Variants in FRAS1 observed in about 807,000 individuals in gnomAD.
FRAS1 encodes Fraser extracellular matrix complex subunit 1.
Under a neutral mutation model 435.2 loss-of-function variants are expected in FRAS1, and 290 were observed. That is an observed-to-expected ratio of 0.67 (90% confidence interval 0.61 to 0.73). The LOEUF (loss-of-function observed/expected upper bound fraction) is 0.73, where lower values mean the gene tolerates loss of function less well. Ranked by LOEUF, FRAS1 falls within the 30% of genes least tolerant of loss-of-function variation. FRAS1 has a pLI of 0.00. For missense variants in FRAS1, 4,860 were observed against 5,001.5 expected (o/e 0.97, Z 0.85); for synonymous variants, 1,800 against 1,851.0 (o/e 0.97, Z 0.71).
intron 4 of FRAS1, among the ~76,000 whole-genome samples, chr4:78,250,495 A>T (rs919170388): frequency 6.6e-6 from 1 of 152,192 alleles, no homozygotes; most frequent in South Asian, 2.1e-4. Flanking sequence ...CTTGTATTTA[A>T]GCCTTTTGTG....
At chr4:78,157,807 CTTTAG>C (rs987504109) in intron 2 of FRAS1, among the ~76,000 whole-genome samples, 17 of 152,030 alleles carry the variant, frequency 1.1e-4, no homozygotes, top group African/African-American at 3.9e-4. Flanking sequence ...TGCAGAAAGT[CTTTAG>C]TTTAATTAGG....
chr4:78,231,511 C>T (rs905627099), intron 2 of FRAS1, among the ~76,000 whole-genome samples: 2 of 151,766 alleles, frequency 1.3e-5, no homozygotes, highest in Non-Finnish European at 1.5e-5. Context: ...GAAAACACAG[C>T]TTTTGGGGAG....
intron 61 of FRAS1, among the ~76,000 whole-genome samples, chr4:78,504,569 T>A (rs1172192065): frequency 2.0e-5 from 3 of 152,216 alleles, no homozygotes; most frequent in Non-Finnish European, 4.4e-5. Context: ...TGCTTTCCAT[T>A]TGCTTGGTGG....
intron 13 of FRAS1, among the ~76,000 whole-genome samples, chr4:78,285,893 T>C (rs59642925): frequency 0.014 from 2,090 of 152,340 alleles, 53 homozygotes; most frequent in African/African-American, 0.047. Context: ...TTTTTGTAAT[T>C]ATTCACTCCT....
intron 2 of FRAS1, among the ~76,000 whole-genome samples, chr4:78,087,722 C>T (rs1235088890): frequency 1.2e-4 from 18 of 152,052 alleles, no homozygotes; most frequent in Middle Eastern, 3.4e-3. Flanking sequence ...TTACAAGGGG[C>T]GCGAAGGACC....
In FRAS1 at chr4:78,445,679, T is replaced by C; in HGVS notation, c.5823T>C (p.Arg1941=). The part of the protein sequence containing the change: ...FSFYVSDGTS[R]SEIHSINITI... ...TTTATGTGAGTGATGGAACCAGTCGTTCAGAAATTCACAGCATCAATATCA... is the reference window on the plus strand; with the variant it reads ...TTTATGTGAGTGATGGAACCAGTCGCTCAGAAATTCACAGCATCAATATCA... Residue 1941 remains arginine (R), a synonymous_variant, in exon 42 of 74, where the codon CGT becomes CGC. Coordinates refer to ENST00000512123, the MANE Select transcript of FRAS1 (RefSeq NM_025074.7). 1 of 1,613,926 alleles carries C rather than the reference T, an allele frequency of 6.2e-7. No individual in the cohort carries two copies. Among genetic ancestry groups the C allele is most frequent in the Non-Finnish European group, 8.5e-7 (1 of 1,179,860 alleles).
At chr4:78,072,263 ATT>A (rs1360355476) in intron 2 of FRAS1, among the ~76,000 whole-genome samples, 3 of 152,198 alleles carry the variant, frequency 2.0e-5, no homozygotes, top group African/African-American at 7.2e-5. Flanking sequence ...AAGGGAGACC[ATT>A]AGAGCTCTTC....
chr4:78,135,320 C>T (rs950391025), intron 2 of FRAS1, among the ~76,000 whole-genome samples: 2 of 152,066 alleles, frequency 1.3e-5, no homozygotes, highest in African/African-American at 2.4e-5. Flanking sequence ...GAAAATCTCC[C>T]AGTATATCCT....
intron 9 of FRAS1, among the ~76,000 whole-genome samples, chr4:78,271,287 T>A (rs1401402063): frequency 6.6e-6 from 1 of 151,574 alleles, no homozygotes; most frequent in Non-Finnish European, 1.5e-5. Context: ...TTTTTTTTTA[T>A]CACAAACATT....
At chr4:78,365,966 G>GAAA (rs199938373) in intron 22 of FRAS1, among the ~76,000 whole-genome samples, 2 of 139,542 alleles carry the variant, frequency 1.4e-5, no homozygotes, top group Non-Finnish European at 3.1e-5. Context: ...GTCTGTCTCA[G>GAAA]AAAAAAAAAA....
chr4:78,317,551 A>G, intron 17 of FRAS1, 43 bp downstream of exon 17: 4 of 1,558,906 alleles, frequency 2.6e-6, no homozygotes. Flanking sequence ...CTATCCCACA[A>G]GAACATAGAT....
chr4:78,319,103 C>A, intron 18 of FRAS1, 117 bp downstream of exon 18: 2 of 1,054,690 alleles, frequency 1.9e-6, no homozygotes, highest in Non-Finnish European at 1.4e-6. Context: ...TTCCTAGATG[C>A]TTGTGAATAA....
chr4:78,418,862 A>ATT (rs34936138), intron 32 of FRAS1, 87 bp from the exon 33 acceptor site: 271 of 714,546 alleles, frequency 3.8e-4, no homozygotes, highest in Non-Finnish European at 5.2e-4. Flanking sequence ...GCCCAGAGCA[A>ATT]TTTTTTTTTC....
intron 2 of FRAS1, among the ~76,000 whole-genome samples, chr4:78,161,876 C>T (rs1158270518): frequency 6.6e-6 from 1 of 151,682 alleles, no homozygotes; most frequent in Non-Finnish European, 1.5e-5. Flanking sequence ...TTCTCTTCGC[C>T]ATCCACCTTG....
chr4:78,257,888 C>T (rs771916323), intron 6 of FRAS1, among the ~76,000 whole-genome samples: 17 of 152,262 alleles, frequency 1.1e-4, no homozygotes, highest in African/African-American at 3.9e-4. Flanking sequence ...TCTTTGTAAA[C>T]AGAGCCATAA....
chr4:78,455,201 A>G (rs1312946580), intron 47 of FRAS1, among the ~76,000 whole-genome samples: 1 of 152,218 alleles, frequency 6.6e-6, no homozygotes, highest in Non-Finnish European at 1.5e-5. Flanking sequence ...TGTTTCAGTT[A>G]GCCAGGACTG....
At chr4:78,427,871 C>T (rs768853959) in intron 35 of FRAS1, among the ~76,000 whole-genome samples, 2 of 152,230 alleles carry the variant, frequency 1.3e-5, no homozygotes, top group Non-Finnish European at 2.9e-5. Flanking sequence ...CAATGCTTGA[C>T]TTTGCTTAAG....
chr4:78,277,881 G>T (rs533482027), intron 9 of FRAS1, among the ~76,000 whole-genome samples: 1 of 151,266 alleles, frequency 6.6e-6, no homozygotes, highest in African/African-American at 2.4e-5. Flanking sequence ...GCGTGATCTC[G>T]GCTCACTGCA....
intron 2 of FRAS1, among the ~76,000 whole-genome samples, chr4:78,159,029 C>T (rs1183890153): frequency 6.6e-6 from 1 of 152,168 alleles, no homozygotes; most frequent in African/African-American, 2.4e-5. Flanking sequence ...GCAGCCCCCT[C>T]AATCATGTTT....
Sources: gnomAD v4.1 joint callset for allele counts (sites outside exome capture counted in the v4.1 genomes callset) on GRCh38, gnomAD v4.1.1 for gene constraint, MANE v1.5 for transcripts, NCBI Gene and HGNC (gene_info 2026-07-23, HGNC 2026-07-21) for gene names.